Variants in SKAP1 observed in about 807,000 individuals in gnomAD.
SKAP1 encodes src kinase associated phosphoprotein 1.
A neutral mutation model predicts 58.5 loss-of-function variants in SKAP1; 44 were observed. That is an observed-to-expected ratio of 0.75 (90% CI 0.59 to 0.97). The LOEUF is 0.97. SKAP1 is among the 50% of genes least tolerant of loss of function. The probability of loss-of-function intolerance (pLI) is 0.00; values close to 1 mark genes in which losing one functional copy is unlikely to be tolerated. For missense variants in SKAP1, 390 were observed against 435.2 expected (o/e 0.90, Z 0.92); for synonymous variants, 127 against 149.7 (o/e 0.85, Z 1.11).
At chr17:48,366,650 G>A (rs185061079) in intron 2 of SKAP1, among the ~76,000 whole-genome samples, 5 of 152,232 alleles carry the variant, frequency 3.3e-5, no homozygotes, top group South Asian at 2.1e-4. Flanking sequence ...TGGCCACCAC[G>A]AAGAATTTTC....
At chr17:48,352,097 A>AG (rs35708608) in intron 3 of SKAP1, among the ~76,000 whole-genome samples, 1 of 151,296 alleles carries the variant, frequency 6.6e-6, no homozygotes, top group Non-Finnish European at 1.5e-5. Flanking sequence ...AAAAAAAAAA[A>AG]GCAGCCACTG....
At chr17:48,336,637 T>C (rs2066574181) in intron 4 of SKAP1, among the ~76,000 whole-genome samples, 2 of 152,092 alleles carry the variant, frequency 1.3e-5, no homozygotes, top group Admixed American at 6.5e-5. Context: ...TTAGGAATAA[T>C]AGTTGGGCAG....
At chr17:48,200,246 G>A (rs545065060) in intron 4 of SKAP1, among the ~76,000 whole-genome samples, 288 of 151,656 alleles carry the variant, frequency 1.9e-3, no homozygotes, top group African/African-American at 6.8e-3. Flanking sequence ...GCGGTGAGCC[G>A]AGATCATGAC....
intron 4 of SKAP1, among the ~76,000 whole-genome samples, chr17:48,198,417 T>C (rs1054270526): frequency 8.4e-6 from 1 of 118,714 alleles, no homozygotes; most frequent in Non-Finnish European, 1.6e-5. Context: ...ATGGCGCCAC[T>C]GCACTCCAAC....
At chr17:48,402,352 C>G (rs768167388) in intron 1 of SKAP1, among the ~76,000 whole-genome samples, 91 of 144,714 alleles carry the variant, frequency 6.3e-4, no homozygotes, top group Middle Eastern at 3.6e-3. Context: ...TTTTTTGAGA[C>G]AGAGTCTCGC....
intron 4 of SKAP1, among the ~76,000 whole-genome samples, chr17:48,213,981 TC>T (rs1366836136): frequency 1.3e-5 from 2 of 152,184 alleles, no homozygotes; most frequent in Non-Finnish European, 2.9e-5. Context: ...AATGATTGAT[TC>T]TACATCTTAA....
At chr17:48,401,481 T>C (rs140120455) in intron 1 of SKAP1, among the ~76,000 whole-genome samples, 59 of 152,258 alleles carry the variant, frequency 3.9e-4, no homozygotes, top group African/African-American at 1.3e-3. Context: ...CTCACACTTA[T>C]GGTCAATTTT....
rs961975020 is a variant in SKAP1, at chr17:48,372,510, G to T, written c.153-8696C>A. Among the ~76,000 whole-genome samples the T allele has an allele frequency of 4.6e-5, 7 of 151,864 alleles. No individual in the cohort carries two copies. The South Asian group carries it at 1.5e-3, about 32-fold the overall frequency. On this transcript the variant is annotated intron_variant, in intron 2 of 12. Transcript: ENST00000336915. Reference sequence around the variant, plus strand: ...TAGTAGACAGGGGTTTCTCCATGTTGGTTAGGCTGGTCTCGAACTCCTGAC... The same window carrying T: ...TAGTAGACAGGGGTTTCTCCATGTTTGTTAGGCTGGTCTCGAACTCCTGAC...
intron 4 of SKAP1, among the ~76,000 whole-genome samples, chr17:48,314,876 T>C (rs1462298115): frequency 1.3e-5 from 2 of 152,226 alleles, no homozygotes; most frequent in Non-Finnish European, 2.9e-5. Flanking sequence ...AAGCAACACA[T>C]AGCCAGATGG....
intron 11 of SKAP1, among the ~76,000 whole-genome samples, chr17:48,158,009 C>A (rs1435014228): frequency 6.6e-6 from 1 of 151,044 alleles, no homozygotes; most frequent in Non-Finnish European, 1.5e-5. Context: ...AAAACCTTGA[C>A]TCTAATAAAA....
intron 4 of SKAP1, among the ~76,000 whole-genome samples, chr17:48,273,329 A>C (rs1224956267): frequency 6.6e-6 from 1 of 152,216 alleles, no homozygotes; most frequent in Non-Finnish European, 1.5e-5. Flanking sequence ...TATAATTTTC[A>C]ACCTCCACTG....
chr17:48,296,577 G>C (rs1181899997), intron 4 of SKAP1, among the ~76,000 whole-genome samples: 1 of 152,010 alleles, frequency 6.6e-6, no homozygotes, highest in African/African-American at 2.4e-5. Flanking sequence ...AAATATTCTG[G>C]TCTAACTAAA....
chr17:48,405,421 C>CTTTCTTTCTTTCT (rs2067561919), intron 1 of SKAP1, among the ~76,000 whole-genome samples: 1 of 82,270 alleles, frequency 1.2e-5, no homozygotes, highest in South Asian at 3.8e-4. Context: ...TTCTTTCTTT[C>CTTTCTTTCTTTCT]TTTCTTTCTT....
chr17:48,345,625 G>GAT (rs2066712698), intron 4 of SKAP1, among the ~76,000 whole-genome samples: 1 of 152,174 alleles, frequency 6.6e-6, no homozygotes, highest in African/African-American at 2.4e-5. Flanking sequence ...TGCCCTCTTA[G>GAT]CTATTGAGCT....
chr17:48,376,669 A>C (rs2067154053), intron 2 of SKAP1, among the ~76,000 whole-genome samples: 1 of 152,216 alleles, frequency 6.6e-6, no homozygotes, highest in South Asian at 2.1e-4. Flanking sequence ...CGAATACTGC[A>C]TTTGTTCTCT....
rs145546423 is a variant in SKAP1, at chr17:48,231,658, T to C, written c.281-42158A>G. Among the ~76,000 whole-genome samples, 337 of 152,218 alleles carry C rather than the reference T, an allele frequency of 2.2e-3. 3 individuals are homozygous for C. In the East Asian group the frequency reaches 0.026, roughly 12 times the overall value. Reference sequence around the variant, plus strand: ...AGTGGGAGTACTAGGACCCACAAGCTGAAGCTAATGACAGTGGGGGTTAAG... The same window carrying C: ...AGTGGGAGTACTAGGACCCACAAGCCGAAGCTAATGACAGTGGGGGTTAAG... On this transcript the variant is annotated intron_variant, in intron 4 of 12. Transcript: ENST00000336915.
intron 4 of SKAP1, among the ~76,000 whole-genome samples, chr17:48,291,120 A>T (rs772992143): frequency 6.6e-5 from 10 of 152,042 alleles, no homozygotes. Flanking sequence ...CCTGTCTTAA[A>T]CAAAAACAAA....
chr17:48,440,163 G>A, the SKAP1 span, among the ~76,000 whole-genome samples: 5 of 152,204 alleles, frequency 3.3e-5, no homozygotes, highest in African/African-American at 9.7e-5. Context: ...CATGGTGACA[G>A]AATGCAGGCC....
chr17:48,234,469 C>A (rs985871673), intron 4 of SKAP1, among the ~76,000 whole-genome samples: 19 of 152,176 alleles, frequency 1.2e-4, no homozygotes, highest in African/African-American at 3.9e-4. Context: ...TAGACATGGA[C>A]ACCTGTGAAG....
Sources: allele counts gnomAD v4.1 joint callset (sites outside exome capture counted in the v4.1 genomes callset), GRCh38; gene constraint gnomAD v4.1.1; transcripts MANE v1.5; gene names NCBI Gene and HGNC (gene_info 2026-07-23, HGNC 2026-07-21).